THAP12: variants seen among roughly 807,000 people sequenced by gnomAD.
THAP12 encodes the protein THAP domain containing 12, also known as 52 kDa repressor of the inhibitor of the protein kinase.
In THAP12, 20 loss-of-function variants were observed where a neutral mutation model predicts 63.0. The observed-to-expected ratio is 0.32, with a 90% CI of 0.22 to 0.46. The LOEUF (loss-of-function observed/expected upper bound fraction) is 0.46, where lower values mean the gene tolerates loss of function less well. Ranked by LOEUF, THAP12 falls within the 20% of genes least tolerant of loss-of-function variation. The pLI is 1.00. For missense variants in THAP12, 568 were observed against 908.2 expected, an observed-to-expected ratio of 0.63 and a Z score of 4.81; for synonymous variants, 264 against 328.4, an observed-to-expected ratio of 0.80 and a Z score of 2.12.
intron 1 of THAP12, among the ~76,000 whole-genome samples, chr11:76,380,326 T>A (rs1294577996): frequency 6.6e-6 from 1 of 151,360 alleles, no homozygotes; most frequent in African/African-American, 2.4e-5. Flanking sequence ...GTCCCGGGGG[T>A]GGTGGCAAGG....
chr11:76,359,030 T>C (rs1565232350), intron 3 of THAP12: 1 of 152,156 alleles, frequency 6.6e-6, no homozygotes, highest in Non-Finnish European at 1.5e-5. Context: ...TTCTCCTTAT[T>C]TGCAGATGAT....
At chr11:76,352,964 T>C (rs989997114) in intron 4 of THAP12, among the ~76,000 whole-genome samples, 170 bp from the exon 5 acceptor site, 4 of 152,198 alleles carry the variant, frequency 2.6e-5, no homozygotes, top group African/African-American at 9.7e-5. Context: ...GACACTAAGA[T>C]AAGACACATC....
chr11:76,355,016 G>A (rs1565231393), intron 4 of THAP12, among the ~76,000 whole-genome samples: 2 of 152,178 alleles, frequency 1.3e-5, no homozygotes, highest in Admixed American at 1.3e-4. Context: ...AAAGCACTTA[G>A]AACAATGATT....
intron 4 of THAP12, 75 bp from the exon 5 acceptor site, chr11:76,352,869 T>C (rs942730251): frequency 7.0e-7 from 1 of 1,436,438 alleles, no homozygotes; most frequent in African/African-American, 1.4e-5. Context: ...ACATCTTTGG[T>C]TAAATATTTA....
chr11:76,365,120 A>G (rs1204796164), intron 2 of THAP12, among the ~76,000 whole-genome samples: 3 of 152,020 alleles, frequency 2.0e-5, no homozygotes, highest in Non-Finnish European at 4.4e-5. Context: ...ACCTCTACTA[A>G]AAGTACAAAA....
chr11:76,364,862 G>C (rs571677085), intron 2 of THAP12, among the ~76,000 whole-genome samples: 4 of 151,994 alleles, frequency 2.6e-5, no homozygotes, highest in East Asian at 3.8e-4. Context: ...GCTCCATTCC[G>C]AGATGAAAAT....
chr11:76,362,638 T>C (rs1436746965), intron 2 of THAP12, among the ~76,000 whole-genome samples: 1 of 152,186 alleles, frequency 6.6e-6, no homozygotes, highest in African/African-American at 2.4e-5. Context: ...TCCCCCATCT[T>C]TCACACCGAG....
intron 1 of THAP12, among the ~76,000 whole-genome samples, chr11:76,369,604 A>G (rs115637066): frequency 0.021 from 3,235 of 152,370 alleles, 119 homozygotes; most frequent in African/African-American, 0.075. Context: ...ATGCAGCTCA[A>G]TGTGCCTAGA....
chr11:76,365,463 C>G (rs1325019228), intron 2 of THAP12, among the ~76,000 whole-genome samples: 1 of 152,028 alleles, frequency 6.6e-6, no homozygotes, highest in Non-Finnish European at 1.5e-5. Context: ...CAACTCTCTG[C>G]AGCCCCGACG....
At chr11:76,355,769 C>CAA (rs1194213054) in intron 3 of THAP12, 115 bp from the exon 4 acceptor site, 17 of 831,918 alleles carry the variant, frequency 2.0e-5, no homozygotes, top group Non-Finnish European at 2.8e-5. Flanking sequence ...TTAATTCTTT[C>CAA]AAGAGCATAA....
chr11:76,351,138 A>T lies in THAP12; in HGVS notation c.2012T>A (p.Ile671Asn). The change falls in exon 5 of 5, where the codon ATC becomes AAC. Residue 671 changes from isoleucine to asparagine, a missense_variant. Transcript: ENST00000260045. ...TIYEALHLPD[I>N]KFFPNVYALL... ...TGCATACACATTAGGAAAAAACTTG[A>T]TGTCAGGCAGGTGGAGGGCTTCATA... is the stretch of plus-strand genomic sequence containing the variant. 6.2e-7 allele frequency: 1 copy of T among 1,607,310 alleles called. No individual in the cohort carries two copies. The highest frequency in any genetic ancestry group is 1.1e-5 in the South Asian group (1 of 90,166).
chr11:76,360,819 C>A, intron 3 of THAP12, 137 bp downstream of exon 3: 1 of 652,016 alleles, frequency 1.5e-6, no homozygotes. Context: ...GGCTATTTAA[C>A]AACCATAACA....
chr11:76,372,041 G>A (rs1396394796), intron 1 of THAP12, among the ~76,000 whole-genome samples: 1 of 152,048 alleles, frequency 6.6e-6, no homozygotes, highest in East Asian at 1.9e-4. Context: ...TCGAACCCCT[G>A]ACCAGGTGAT....
At chr11:76,354,634 T>C (rs990568072) in intron 4 of THAP12, among the ~76,000 whole-genome samples, 4 of 152,210 alleles carry the variant, frequency 2.6e-5, no homozygotes, top group Non-Finnish European at 4.4e-5. Flanking sequence ...ATTTGGTCAG[T>C]TGACAGTCTA....
chr11:76,364,369 T>C (rs1215182411), intron 2 of THAP12: 2 of 435,464 alleles, frequency 4.6e-6, no homozygotes, highest in Non-Finnish European at 9.1e-6. Context: ...TCTGCTTCAA[T>C]TAATTTTGAG....
intron 3 of THAP12, chr11:76,356,894 G>A (rs1329388972): frequency 6.6e-6 from 1 of 151,964 alleles, no homozygotes; most frequent in Non-Finnish European, 1.5e-5. Context: ...AATACAAAAA[G>A]AGCCGGGCGT....
At chr11:76,380,477 TCCGCGCG>T (rs1275090412) in intron 1 of THAP12, among the ~76,000 whole-genome samples, 1 of 152,146 alleles carries the variant, frequency 6.6e-6, no homozygotes, top group African/African-American at 2.4e-5. Flanking sequence ...GCATCCCGCG[TCCGCGCG>T]CCGCCCCAGC....
chr11:76,379,820 C>T (rs1240132551), intron 1 of THAP12, among the ~76,000 whole-genome samples: 1 of 152,038 alleles, frequency 6.6e-6, no homozygotes, highest in Non-Finnish European at 1.5e-5. Context: ...CTGTAACCCC[C>T]ACTGCTCACA....
At chr11:76,361,089 A>T in intron 2 of THAP12, 26 bp from the exon 3 acceptor site, 1 of 1,432,586 alleles carries the variant, frequency 7.0e-7, no homozygotes, top group Non-Finnish European at 9.8e-7. Context: ...GTGTTAATTC[A>T]GAGATGGTCC....
Sources: gnomAD v4.1 joint callset for allele counts (sites outside exome capture counted in the v4.1 genomes callset) on GRCh38, gnomAD v4.1.1 for gene constraint, MANE v1.5 for transcripts, NCBI Gene and HGNC (gene_info 2026-07-23, HGNC 2026-07-21) for gene names.